Variants in RAP1B observed in about 807,000 individuals in gnomAD.
RAP1B encodes ras-related protein Rap-1b.
Under a neutral mutation model 27.5 loss-of-function variants are expected in RAP1B, and 1 was observed. That is an observed-to-expected ratio of 0.04 (90% CI 0.01 to 0.17). RAP1B has a LOEUF of 0.17. Ranked by LOEUF, RAP1B falls within the 10% of genes least tolerant of loss-of-function variation. The pLI is 1.00. For missense variants in RAP1B, 84 were observed against 214.8 expected (o/e 0.39, Z 3.81); for synonymous variants, 75 against 73.1 (o/e 1.03, Z -0.13).
At chr12:68,640,313 CT>C (rs555626968) in intron 1 of RAP1B, among the ~76,000 whole-genome samples, 152 of 149,410 alleles carry the variant, frequency 1.0e-3, no homozygotes, top group South Asian at 5.7e-3. Context: ...ATTCTTATCT[CT>C]TTTTTTTTTC....
In RAP1B at chr12:68,671,783, C is replaced by A. The variant is rs1052720640; in HGVS notation, c.*12534C>A. The stretch of plus-strand genomic sequence containing the variant: ...GACATTGTCAGTAACAAGTAAATAA[C>A]ATTTTCTGGAATATAAAAAAAAAAG... On this transcript the variant is annotated 3_prime_UTR_variant, in exon 8 of 8. Coordinates refer to ENST00000250559, the MANE Select transcript of RAP1B (RefSeq NM_001010942.3). The A allele has an allele frequency of 6.6e-6, 1 of 151,604 alleles. No individual in the cohort carries two copies. Among genetic ancestry groups the A allele is most frequent in the Non-Finnish European group, 1.5e-5 (1 of 67,940 alleles). 9.4% of individuals were successfully genotyped at this position (151,604 alleles called of 1,614,324 possible). A position where few individuals can be genotyped will look rare whatever the true frequency, so the allele number is the denominator to read the frequency against.
intron 7 of RAP1B, chr12:68,657,772 A>G (rs1271202774): frequency 4.7e-5 from 6 of 128,620 alleles, no homozygotes; most frequent in South Asian, 4.8e-4. Context: ...ACACACACAC[A>G]CGTGCGCGCG....
intron 1 of RAP1B, among the ~76,000 whole-genome samples, chr12:68,633,120 A>G (rs1872383160): frequency 1.3e-5 from 2 of 152,226 alleles, no homozygotes; most frequent in Admixed American, 1.3e-4. Context: ...TAAGCTGGGA[A>G]AAACATCATC....
chr12:68,627,319 A>G, intron 1 of RAP1B: 1 of 774,390 alleles, frequency 1.3e-6, no homozygotes, highest in Non-Finnish European at 2.3e-6. Flanking sequence ...GTTTGCAGCC[A>G]TTGCACACTG....
At chr12:68,654,652 T>G (rs996184281) in intron 5 of RAP1B, among the ~76,000 whole-genome samples, 46 of 152,196 alleles carry the variant, frequency 3.0e-4, no homozygotes, top group Admixed American at 3.9e-4. Flanking sequence ...TAGTTTTTTG[T>G]ATTTTTAGTA....
At chr12:68,640,952 C>G (rs912136285) in intron 1 of RAP1B, 2 of 152,100 alleles carry the variant, frequency 1.3e-5, no homozygotes, top group African/African-American at 4.8e-5. Context: ...AGTTAATAAT[C>G]TCCGGTTAAT....
At chr12:68,627,790 G>A (rs1395427830) in intron 1 of RAP1B, among the ~76,000 whole-genome samples, 1 of 152,124 alleles carries the variant, frequency 6.6e-6, no homozygotes, top group Admixed American at 6.5e-5. Context: ...TTGGTAGATA[G>A]CCTTGCTTTA....
rs1874737480 is a variant in RAP1B at position 68,663,951 on chromosome 12, G to T, written c.*4702G>T. The T allele has an allele frequency of 6.6e-6, 1 of 152,102 alleles. No homozygotes were observed. The highest frequency in any genetic ancestry group is 6.5e-5 in the Admixed American group (1 of 15,272). The allele number at this position is 152,102 out of a possible 1,614,324, so 9.4% of individuals were successfully genotyped here. The stretch of plus-strand genomic sequence containing the variant: ...TGTAATGATTTTAGAAAAGTGAGCT[G>T]TCATTTTTCATATATATAAATTTTT... On this transcript the variant is annotated 3_prime_UTR_variant, in exon 8 of 8. Transcript: ENST00000250559.
At chr12:68,614,898 G>A (rs1870871615) in intron 1 of RAP1B, among the ~76,000 whole-genome samples, 1 of 152,204 alleles carries the variant, frequency 6.6e-6, no homozygotes, top group South Asian at 2.1e-4. Context: ...CACAGTGGAA[G>A]CAGTAGCTAC....
intron 4 of RAP1B, among the ~76,000 whole-genome samples, chr12:68,652,984 G>T (rs1387175170): frequency 1.3e-5 from 2 of 152,102 alleles, no homozygotes; most frequent in Non-Finnish European, 2.9e-5. Context: ...TCAAAGGGGG[G>T]TGGATCACCT....
rs967241628 is a variant in RAP1B, at chr12:68,655,728, G to A, written c.325-578G>A. Among the ~76,000 whole-genome samples the A allele has an allele frequency of 3.3e-5, 5 of 151,974 alleles. No homozygotes were observed. The East Asian group carries it at 7.7e-4, about 23-fold the overall frequency. ...TTTTTGTGTTTTTAGTAGAAACAGG[G>A]TTTCGCCATGTTGGCCAGGCTGGTC... On this transcript the variant is annotated intron_variant, in intron 5 of 7. Coordinates refer to ENST00000250559, the MANE Select transcript of RAP1B (RefSeq NM_001010942.3).
In RAP1B at chr12:68,651,979, T is replaced by A. The variant is rs558965109; in HGVS notation, c.127-16T>A. The A allele has an allele frequency of 6.2e-7, 1 of 1,607,300 alleles. No homozygotes were observed. Among genetic ancestry groups the A allele is most frequent in the East Asian group, 2.2e-5 (1 of 44,784 alleles). On this transcript the variant is annotated splice_polypyrimidine_tract_variant and intron_variant, in intron 3 of 7. Transcript: ENST00000250559. ...TACATTGAAAAAATGAACATGTATTTTAATTTTTCTACCAGCAAGTTGAAG... is the reference window on the plus strand; with the variant it reads ...TACATTGAAAAAATGAACATGTATTATAATTTTTCTACCAGCAAGTTGAAG...
At chr12:68,624,014 C>CT (rs1459204317) in intron 1 of RAP1B, among the ~76,000 whole-genome samples, 2 of 145,994 alleles carry the variant, frequency 1.4e-5, no homozygotes, top group East Asian at 4.0e-4. Flanking sequence ...GAGTGAGACT[C>CT]TATCTCAGGG....
chr12:68,655,568 C>T (rs1874148011), intron 5 of RAP1B, among the ~76,000 whole-genome samples: 1 of 142,866 alleles, frequency 7.0e-6, no homozygotes. Flanking sequence ...CGGAGTCTCA[C>T]CCTGTCGCCC....
At chr12:68,645,004 T>A (rs1441499321) in intron 1 of RAP1B, among the ~76,000 whole-genome samples, 2 of 152,124 alleles carry the variant, frequency 1.3e-5, no homozygotes, top group Non-Finnish European at 2.9e-5. Flanking sequence ...TGGCCTGAAA[T>A]TTATCTTTTG....
intron 4 of RAP1B, among the ~76,000 whole-genome samples, chr12:68,653,755 C>T (rs565519973): frequency 2.6e-5 from 4 of 151,808 alleles, no homozygotes; most frequent in East Asian, 1.9e-4. Flanking sequence ...GGTGAAAGCC[C>T]GTCTCTACCG....
intron 2 of RAP1B, 41 bp from the exon 3 acceptor site, chr12:68,650,358 CT>C: frequency 6.9e-7 from 1 of 1,458,332 alleles, no homozygotes; most frequent in African/African-American, 1.5e-5. Flanking sequence ...TGAATGTACT[CT>C]TTTCTTTAGA....
intron 1 of RAP1B, among the ~76,000 whole-genome samples, chr12:68,621,938 A>G (rs187260451): frequency 1.3e-5 from 2 of 152,180 alleles, no homozygotes; most frequent in African/African-American, 4.8e-5. Flanking sequence ...CCTTTATTTC[A>G]TTGTCCTCAT....
At chr12:68,653,495 C>T (rs2431657) in intron 4 of RAP1B, among the ~76,000 whole-genome samples, 19,746 of 152,056 alleles carry the variant, frequency 0.13, 1,493 homozygotes, top group East Asian at 0.24. Flanking sequence ...ATTAACTTGG[C>T]AGATACAGTT....
Sources: allele counts gnomAD v4.1 joint callset (sites outside exome capture counted in the v4.1 genomes callset), GRCh38; gene constraint gnomAD v4.1.1; transcripts MANE v1.5; gene names NCBI Gene and HGNC (gene_info 2026-07-23, HGNC 2026-07-21).